Variants in PRAMEF11 observed in about 807,000 individuals in gnomAD.
PRAMEF11 encodes PRAME family member 11.
A neutral mutation model predicts 33.6 loss-of-function variants in PRAMEF11; 17 were observed. The ratio of observed to expected loss-of-function variants is 0.51; its 90% confidence interval spans 0.35 to 0.76. The LOEUF (loss-of-function observed/expected upper bound fraction) is 0.76. Among genes scored for constraint, PRAMEF11 ranks in the 30% least tolerant of loss-of-function variants. PRAMEF11 has a pLI of 0.01. For synonymous variants in PRAMEF11, 205 were observed against 227.3 expected, an observed-to-expected ratio of 0.90 and a Z score of 0.88; for missense variants, 568 against 567.0, an observed-to-expected ratio of 1.00 and a Z score of -0.02.
In PRAMEF11 at chr1:12,824,995, C is replaced by G; in HGVS notation, c.1384G>C (p.Asp462His). Residue 462 changes from aspartate to histidine, a missense_variant, in exon 4 of 4, where the codon GAC becomes CAC. Physicochemically the swap from Asp to His is moderately conservative, Grantham distance 81 (BLOSUM62 -1). Around this residue, in one of 3 missense-constraint regions of PRAMEF11, gnomAD observed 174 missense variants for 127.2 expected, o/e 1.37. Transcript: ENST00000619922. ...TCATAAAATGACCTGTCGCCATGGT[C>G]AGGGCAGTTGTCAGTACAGAACAAG... ...RILFCTDNCPDHGDRSFYDLE... is the reference protein window; with the variant it reads ...RILFCTDNCPHHGDRSFYDLE... 1 of 1,609,810 alleles carries G rather than the reference C, an allele frequency of 6.2e-7. No homozygotes were observed. Among genetic ancestry groups the G allele is most frequent in the Non-Finnish European group, 8.5e-7 (1 of 1,177,772 alleles).
In PRAMEF11 at chr1:12,827,837, G is replaced by C. The variant is rs1466843989; in HGVS notation, c.294-7C>G. On this transcript the variant is annotated splice_polypyrimidine_tract_variant and splice_region_variant and intron_variant, in intron 2 of 3. Transcript: ENST00000619922. ...CACTTGAAGTTTCCATCTCCTGTGG[G>C]AAAATAGAGGTGAGACTGAGAATTT... is the stretch of plus-strand genomic sequence containing the variant. 7.5e-6 allele frequency: 12 copies of C among 1,606,460 alleles called. 1 individual carries two copies. Among genetic ancestry groups the C allele is most frequent in the African/African-American group, 2.7e-5 (2 of 74,546 alleles).
rs766696172 is a variant in PRAMEF11 at position 12,828,664 on chromosome 1, G to A, written c.126C>T (p.Phe42=). The part of the protein sequence containing the change: ...ELPTELFPPL[F]MEAFSRRRCE... Reference sequence around the variant, plus strand: ...AGCGTCTCCTGCTGAAGGCCTCCATGAACAGTGGGGGGAAAAGTTCCGTGG... The same window carrying A: ...AGCGTCTCCTGCTGAAGGCCTCCATAAACAGTGGGGGGAAAAGTTCCGTGG... Residue 42 remains phenylalanine, a synonymous_variant, in exon 2 of 4, where the codon TTC becomes TTT. Transcript: ENST00000619922. 2 of 1,609,674 alleles carry A rather than the reference G, an allele frequency of 1.2e-6. No homozygotes were observed. Among genetic ancestry groups the A allele is most frequent in the South Asian group, 2.2e-5 (2 of 90,466 alleles).
chr1:12,828,052 G>A (rs1051982825), intron 2 of PRAMEF11, among the ~76,000 whole-genome samples: 11 of 149,094 alleles, frequency 7.4e-5, no homozygotes, highest in South Asian at 2.2e-4. Context: ...GTGGTGTGAT[G>A]TCACCTCACT....
chr1:12,825,673 C>T (rs370934503), intron 3 of PRAMEF11, among the ~76,000 whole-genome samples, 170 bp from the exon 4 acceptor site: 2,105 of 144,028 alleles, frequency 0.015, 51 homozygotes, highest in African/African-American at 0.051. Flanking sequence ...GCTTTGCCAC[C>T]GAGGTCAATT....
rs561042257 is a variant in PRAMEF11, at chr1:12,824,814, C to A, written c.*128G>T. ...CCCCTGCTTGATCAGCTTTCCTTTC[C>A]CACTTTCAGAGCCCATGTGTGAAAC... On this transcript the variant is annotated 3_prime_UTR_variant, in exon 4 of 4. Coordinates refer to ENST00000619922, the MANE Select transcript of PRAMEF11 (RefSeq NM_001146344.3). 2.0e-3 allele frequency: 2,881 copies of A among 1,423,930 alleles called. 49 individuals carry two copies. The highest frequency in any genetic ancestry group is 2.5e-3 in the Non-Finnish European group (2,658 of 1,043,890). 88.2% of individuals were successfully genotyped at this position (1,423,930 alleles called of 1,614,324 possible).
Position 12,828,797 on chromosome 1 carries a change from C to G in PRAMEF11, c.-8G>C. 1.2e-6 allele frequency: 2 copies of G among 1,609,124 alleles called. No homozygotes were observed. The highest frequency in any genetic ancestry group is 1.7e-6 in the Non-Finnish European group (2 of 1,177,980). On this transcript the variant is annotated 5_prime_UTR_variant, in exon 2 of 4. Transcript: ENST00000619922. ...CCGGATGCTCATCTTCATGAATCTG[C>G]AGGGAAAACTTCCAGAGGACAAACC...
At chr1:12,830,018 G>C (rs1230136863) in intron 1 of PRAMEF11, among the ~76,000 whole-genome samples, 1 of 151,354 alleles carries the variant, frequency 6.6e-6, no homozygotes, top group Non-Finnish European at 1.5e-5. Flanking sequence ...GAAAGTCCAG[G>C]ACTCATTCAC....
At position 12,825,152 on chromosome 1, in the gene PRAMEF11, G is replaced by A. The variant is rs1279333395; in HGVS notation, c.1227C>T (p.Asn409=). 3.1e-6 allele frequency: 5 copies of A among 1,609,078 alleles called. No homozygotes were observed. Among genetic ancestry groups the A allele is most frequent in the African/African-American group, 1.3e-5 (1 of 74,784 alleles). Residue 409 remains asparagine (N), a synonymous_variant, in exon 4 of 4, where the codon AAC becomes AAT. Transcript: ENST00000619922. ...NLLSHTIILK[N]LCLELYPAPQ... The stretch of plus-strand genomic sequence containing the variant: ...GGGCAGGATACAGCTCCAGGCATAA[G>A]TTTTTGAGTATGATTGTGTGGCTCA...
In PRAMEF11 at chr1:12,826,173, T is replaced by C. The variant is rs570173324; in HGVS notation, c.876-670A>G. On this transcript the variant is annotated intron_variant, in intron 3 of 3. Coordinates refer to ENST00000619922, the MANE Select transcript of PRAMEF11 (RefSeq NM_001146344.3). ...CCAGACAGGATCCTGCAACATCAGC[T>C]GGGGTGGGCAGGCTGCAGGCGTCCC... Among the ~76,000 whole-genome samples, 93 of 151,032 alleles carry C rather than the reference T, an allele frequency of 6.2e-4. 1 individual carries two copies. The highest frequency in any genetic ancestry group is 2.2e-3 in the African/African-American group (89 of 41,326).
In PRAMEF11 at chr1:12,828,758, A is replaced by G. The variant is rs763411304; in HGVS notation, c.32T>C (p.Leu11Pro). Residue 11 changes from leucine (L) to proline (P), a missense_variant, in exon 2 of 4, where the codon CTC (leucine) becomes CCC (proline). Leu to Pro is a moderately conservative substitution (Grantham distance 98). Around this residue, in one of 3 missense-constraint regions of PRAMEF11, gnomAD observed 342 missense variants for 312.0 expected, o/e 1.10. Transcript: ENST00000619922. ...CAGGCTCCGCCCCGCAAGCTCCAGGAGTCTGGGTGGAATCCGGATGCTCAT... is the reference window on the plus strand; with the variant it reads ...CAGGCTCCGCCCCGCAAGCTCCAGGGGTCTGGGTGGAATCCGGATGCTCAT... Reference protein sequence around the residue: MKMSIRIPPRLLELAGRSLLR... With the variant: MKMSIRIPPRPLELAGRSLLR... 1 of 1,609,846 alleles carries G rather than the reference A, an allele frequency of 6.2e-7. No homozygotes were observed. Among genetic ancestry groups the G allele is most frequent in the Admixed American group, 1.7e-5 (1 of 59,746 alleles).
At chr1:12,825,832 G>T (rs1255499919) in intron 3 of PRAMEF11, among the ~76,000 whole-genome samples, 1 of 150,730 alleles carries the variant, frequency 6.6e-6, no homozygotes, top group African/African-American at 2.4e-5. Context: ...AAATTAGCCA[G>T]GTGTGGTGGC....
intron 3 of PRAMEF11, among the ~76,000 whole-genome samples, chr1:12,826,113 G>A (rs947222567): frequency 5.3e-5 from 8 of 150,832 alleles, no homozygotes; most frequent in African/African-American, 1.9e-4. Context: ...CTGGGCCACA[G>A]AAGCCCAGTG....
intron 1 of PRAMEF11, among the ~76,000 whole-genome samples, chr1:12,829,204 A>C (rs1639953879): frequency 6.6e-6 from 1 of 151,266 alleles, no homozygotes; most frequent in African/African-American, 2.4e-5. Flanking sequence ...CTTGTTGGGA[A>C]CATTCATGGG....
At chr1:12,830,167 T>C (rs1639975711) in intron 1 of PRAMEF11, among the ~76,000 whole-genome samples, 1 of 151,392 alleles carries the variant, frequency 6.6e-6, no homozygotes, top group African/African-American at 2.4e-5. Flanking sequence ...GAGGGATCCT[T>C]GGCCATGTCA....
chr1:12,828,255 C>T lies in PRAMEF11; in HGVS notation c.293+242G>A, dbSNP rs1416037912. Among the ~76,000 whole-genome samples the T allele has an allele frequency of 4.1e-5, 6 of 147,296 alleles. 1 individual carries two copies. Among genetic ancestry groups the T allele is most frequent in the Admixed American group, 2.7e-4 (4 of 14,620 alleles). Reference sequence around the variant, plus strand: ...GGGCTGGGATTACATTGTGAGCCACCGTGCCCGGCCCAGTTCTCACTTTTC... The same window carrying T: ...GGGCTGGGATTACATTGTGAGCCACTGTGCCCGGCCCAGTTCTCACTTTTC... On this transcript the variant is annotated intron_variant, in intron 2 of 3. Transcript: ENST00000619922.
rs568931945 is a variant in PRAMEF11 at position 12,828,677 on chromosome 1, A to C, written c.113T>G (p.Phe38Cys). The change falls in exon 2 of 4, where the codon TTC becomes TGC. Residue 38 changes from phenylalanine to cysteine, a missense_variant. This residue lies in a region of PRAMEF11 where 342 missense variants were observed against 312.0 expected (regional missense o/e 1.10). Transcript: ENST00000619922. ...GAAGGCCTCCATGAACAGTGGGGGG[A>C]AAAGTTCCGTGGGCAGCTCCTCCAG... is the stretch of plus-strand genomic sequence containing the variant. ...STLEELPTEL[F>C]PPLFMEAFSR... 1.2e-6 allele frequency: 2 copies of C among 1,610,136 alleles called. No individual in the cohort carries two copies. The highest frequency in any genetic ancestry group is 2.7e-5 in the African/African-American group (2 of 74,638).
In PRAMEF11 at chr1:12,831,100, A is replaced by G. The variant is rs1444270827; in HGVS notation, c.-17+256T>C. ...AATGATCCTCCCACTTTGGCCTCCC[A>G]ATGTGTTGGGGTTAAAGGCATGAGT... On this transcript the variant is annotated intron_variant, in intron 1 of 3. Coordinates refer to ENST00000619922, the MANE Select transcript of PRAMEF11 (RefSeq NM_001146344.3). Among the ~76,000 whole-genome samples the G allele has an allele frequency of 2.0e-5, 3 of 150,870 alleles. No homozygotes were observed. The East Asian group carries it at 5.9e-4, about 30-fold the overall frequency.
intron 1 of PRAMEF11, among the ~76,000 whole-genome samples, chr1:12,830,327 G>C (rs570811837): frequency 3.3e-5 from 5 of 151,002 alleles, no homozygotes; most frequent in African/African-American, 1.2e-4. Context: ...TCACTTCATC[G>C]GCCAGGCTAG....
rs762436438 is a variant in PRAMEF11 at position 12,828,680 on chromosome 1, A to T, written c.110T>A (p.Leu37His). ...GGCCTCCATGAACAGTGGGGGGAAA[A>T]GTTCCGTGGGCAGCTCCTCCAGGGT... Reference protein sequence around the residue: ...VSTLEELPTELFPPLFMEAFS... With the variant: ...VSTLEELPTEHFPPLFMEAFS... The change falls in exon 2 of 4, where the codon CTT (leucine) becomes CAT (histidine). Residue 37 changes from leucine to histidine, a missense_variant. Physicochemically the swap from Leu to His is moderately conservative, Grantham distance 99. Coordinates refer to ENST00000619922, the MANE Select transcript of PRAMEF11 (RefSeq NM_001146344.3). The T allele has an allele frequency of 3.1e-6, 5 of 1,610,282 alleles. No individual in the cohort carries two copies. The highest frequency in any genetic ancestry group is 4.2e-6 in the Non-Finnish European group (5 of 1,178,044).
Sources: allele counts gnomAD v4.1 joint callset (sites outside exome capture counted in the v4.1 genomes callset), GRCh38; gene constraint gnomAD v4.1.1; regional missense constraint gnomAD v4.1.1; transcripts MANE v1.5; gene names NCBI Gene and HGNC (gene_info 2026-07-23, HGNC 2026-07-21).